UBR2: variants seen among roughly 807,000 people sequenced by gnomAD.
The protein encoded by UBR2 is E3 ubiquitin-protein ligase UBR2.
In UBR2, 92 loss-of-function variants were observed where a neutral mutation model predicts 247.9. That is an observed-to-expected ratio of 0.37 (90% CI 0.31 to 0.44). UBR2 has a LOEUF of 0.44. Ranked by LOEUF, UBR2 falls within the 20% of genes least tolerant of loss-of-function variation. The pLI, the probability that UBR2 is intolerant of heterozygous loss-of-function variation, is 1.00. For missense variants in UBR2, 1,613 were observed against 2,112.6 expected (o/e 0.76, Z 4.64); for synonymous variants, 672 against 693.5 (o/e 0.97, Z 0.49).
chr6:42,691,440 G>A lies in UBR2; in HGVS notation c.*267G>A. 1 of 453,832 alleles carries A rather than the reference G, an allele frequency of 2.2e-6. No individual in the cohort carries two copies. The highest frequency in any genetic ancestry group is 4.6e-5 in the East Asian group (1 of 21,800). 28.1% of individuals were successfully genotyped at this position (453,832 alleles called of 1,614,324 possible). The stretch of plus-strand genomic sequence containing the variant: ...TCCTAGATTGGATCCCAGCCCCTTT[G>A]TGGGGGTCTGACTGCATAGTCCCAG... On this transcript the variant is annotated 3_prime_UTR_variant, in exon 47 of 47. Transcript: ENST00000372901.
chr6:42,686,353 C>T (rs1441567172), intron 44 of UBR2, among the ~76,000 whole-genome samples: 1 of 151,348 alleles, frequency 6.6e-6, no homozygotes, highest in East Asian at 1.9e-4. Context: ...CCATTTAACC[C>T]TTAGTGGACA....
chr6:42,586,662 A>G (rs73438677), intron 2 of UBR2, among the ~76,000 whole-genome samples: 3,268 of 146,596 alleles, frequency 0.022, 108 homozygotes, highest in African/African-American at 0.077. Flanking sequence ...CTGTTCTCTC[A>G]CATTTTTTAA....
chr6:42,619,405 T>C (rs1353902223), intron 11 of UBR2: 3 of 88,330 alleles, frequency 3.4e-5, no homozygotes, highest in Non-Finnish European at 7.1e-5. Context: ...AGTTCTCTCG[T>C]TATGAACATA....
intron 13 of UBR2, chr6:42,634,311 A>G (rs761326071): frequency 4.9e-5 from 20 of 407,314 alleles, no homozygotes; most frequent in South Asian, 3.6e-4. Flanking sequence ...TTAACCAGTT[A>G]TAACTGTAAG....
At chr6:42,647,436 AAAAAAAAAAAT>A in intron 21 of UBR2, among the ~76,000 whole-genome samples, 2 of 105,212 alleles carry the variant, frequency 1.9e-5, no homozygotes, top group Non-Finnish European at 2.1e-5. Flanking sequence ...AAAAAAAAAA[AAAAAAAAAAAT>A]TAGCCAGGTG....
At chr6:42,573,017 G>A (rs1449081278) in intron 1 of UBR2, among the ~76,000 whole-genome samples, 4 of 152,046 alleles carry the variant, frequency 2.6e-5, no homozygotes. Flanking sequence ...AGGTTGAGCT[G>A]GAAATGGAGA....
chr6:42,567,621 C>T (rs745918557), intron 1 of UBR2, among the ~76,000 whole-genome samples: 6 of 152,044 alleles, frequency 3.9e-5, no homozygotes, highest in Non-Finnish European at 5.9e-5. Context: ...CCCAGCTATT[C>T]GGGAGGCTGA....
At position 42,616,031 on chromosome 6, in the gene UBR2, A is replaced by C. The variant is rs139226008; in HGVS notation, c.1123A>C (p.Met375Leu). The change falls in exon 10 of 47, where the codon ATG (methionine) becomes CTG (leucine). Residue 375 changes from methionine (M) to leucine (L), a missense_variant. By Grantham distance (15) the Met-to-Leu change is conservative. This residue lies in a region of UBR2 where 1,524 missense variants were observed against 1,967.3 expected (regional missense o/e 0.77). Coordinates refer to ENST00000372901, the MANE Select transcript of UBR2 (RefSeq NM_001363705.2). The part of the protein sequence containing the change: ...GARSVYHQLF[M>L]SSLLMDLKYK... ...TAGGAGTGTATATCATCAGTTGTTC[A>C]TGAGCAGTCTGCTTATGGATTTGAA... is the stretch of plus-strand genomic sequence containing the variant. 2 of 1,606,714 alleles carry C rather than the reference A, an allele frequency of 1.2e-6. No homozygotes were observed. The highest frequency in any genetic ancestry group is 1.7e-6 in the Non-Finnish European group (2 of 1,178,320).
chr6:42,648,555 CCA>C (rs1796920538), intron 22 of UBR2, among the ~76,000 whole-genome samples: 1 of 152,222 alleles, frequency 6.6e-6, no homozygotes, highest in South Asian at 2.1e-4. Flanking sequence ...TCTCCAGTGT[CCA>C]CAGTCTTCCC....
In UBR2 at chr6:42,647,510, T is replaced by C. The variant is rs1295618807; in HGVS notation, c.2410-608T>C. ...ACTTGGTAGGCTGAGGCAGGAGAAT[T>C]GCTTGGACCTGGAAGGTGGAGGTTG... is the stretch of plus-strand genomic sequence containing the variant. On this transcript the variant is annotated intron_variant, in intron 21 of 46. Transcript: ENST00000372901. 3.3e-5 allele frequency among the ~76,000 whole-genome samples: 5 copies of C among 151,612 alleles called. No homozygotes were observed. In the East Asian group the frequency reaches 9.7e-4, roughly 29 times the overall value.
At chr6:42,677,035 T>C (rs1055389157) in intron 40 of UBR2, among the ~76,000 whole-genome samples, 162 bp downstream of exon 40, 1 of 152,230 alleles carries the variant, frequency 6.6e-6, no homozygotes, top group Admixed American at 6.5e-5. Context: ...ACTATTCATA[T>C]ACTAACATAA....
intron 1 of UBR2, among the ~76,000 whole-genome samples, chr6:42,570,673 G>GT (rs544330373): frequency 0.15 from 22,794 of 148,712 alleles, 1,999 homozygotes; most frequent in African/African-American, 0.24. Context: ...AAAGTGGCTA[G>GT]TTTTTTTTTT....
chr6:42,673,911 A>G lies in UBR2; in HGVS notation c.4183+24A>G, dbSNP rs1554263375. 44 of 1,574,438 alleles carry G rather than the reference A, an allele frequency of 2.8e-5. No homozygotes were observed. The South Asian group carries it at 4.1e-4, about 15-fold the overall frequency. Reference sequence around the variant, plus strand: ...ATGTGAGTATTAATACATTTATAACATGTTGTAATTTTTCATCCTCTGAAA... The same window carrying G: ...ATGTGAGTATTAATACATTTATAACGTGTTGTAATTTTTCATCCTCTGAAA... On this transcript the variant is annotated intron_variant, in intron 37 of 46. Coordinates refer to ENST00000372901, the MANE Select transcript of UBR2 (RefSeq NM_001363705.2).
chr6:42,610,260 TGTGG>T (rs1216072781), intron 7 of UBR2, among the ~76,000 whole-genome samples: 3 of 152,216 alleles, frequency 2.0e-5, no homozygotes, highest in African/African-American at 7.2e-5. Flanking sequence ...GTATAGCCAC[TGTGG>T]GAAACAGTCC....
chr6:42,654,412 C>T (rs566116523), intron 25 of UBR2, among the ~76,000 whole-genome samples: 3 of 152,248 alleles, frequency 2.0e-5, no homozygotes, highest in African/African-American at 7.2e-5. Context: ...AGAGACATCA[C>T]ACACATATCT....
chr6:42,633,923 G>A (rs534002951), intron 13 of UBR2, among the ~76,000 whole-genome samples: 1 of 151,168 alleles, frequency 6.6e-6, no homozygotes, highest in African/African-American at 2.4e-5. Context: ...TAGAGACGAG[G>A]TTTCACCAAG....
intron 7 of UBR2, among the ~76,000 whole-genome samples, chr6:42,610,923 G>T (rs781278516): frequency 1.3e-5 from 2 of 150,020 alleles, no homozygotes; most frequent in Non-Finnish European, 3.0e-5. Flanking sequence ...TCAGCTCACC[G>T]CAACCTTCAC....
chr6:42,666,101 A>G (rs1030330042), intron 33 of UBR2, 66 bp from the exon 34 acceptor site: 6 of 1,381,620 alleles, frequency 4.3e-6, no homozygotes, highest in Middle Eastern at 4.7e-4. Context: ...TCTTTGACCT[A>G]TATGGCTGTA....
chr6:42,624,256 C>CCT (rs1405815389), intron 11 of UBR2, among the ~76,000 whole-genome samples: 1 of 151,904 alleles, frequency 6.6e-6, no homozygotes, highest in African/African-American at 2.4e-5. Flanking sequence ...TCCACCTCAG[C>CCT]CTCCCAAGTA....
Sources: allele counts gnomAD v4.1 joint callset (sites outside exome capture counted in the v4.1 genomes callset), GRCh38; gene constraint gnomAD v4.1.1; regional missense constraint gnomAD v4.1.1; transcripts MANE v1.5; gene names NCBI Gene and HGNC (gene_info 2026-07-23, HGNC 2026-07-21).